Variants in THSD7B observed in about 807,000 individuals in gnomAD.
The protein encoded by THSD7B is thrombospondin type 1 domain containing 7B, also known as thrombospondin type-1 domain-containing protein 7B.
THSD7B carries 138 observed loss-of-function variants against 213.6 expected under a neutral mutation model. The observed-to-expected ratio is 0.65, with a 90% CI of 0.56 to 0.74. The LOEUF is 0.74. THSD7B is among the 30% of genes least tolerant of loss of function. The pLI, the probability that THSD7B is intolerant of heterozygous loss-of-function variation, is 0.00. For synonymous variants in THSD7B, 742 were observed against 687.0 expected (o/e 1.08, Z -1.25); for missense variants, 1,931 against 1,991.5 (o/e 0.97, Z 0.58).
intron 1 of THSD7B, among the ~76,000 whole-genome samples, chr2:136,807,934 C>T (rs1682313242): frequency 6.6e-6 from 1 of 152,218 alleles, no homozygotes; most frequent in Non-Finnish European, 1.5e-5. Context: ...CTCTTTGTTA[C>T]TGTGATTTCA....
At chr2:136,793,456 A>G (rs142563414) in intron 1 of THSD7B, among the ~76,000 whole-genome samples, 37 of 152,150 alleles carry the variant, frequency 2.4e-4, no homozygotes, top group African/African-American at 8.4e-4. Context: ...TACGTAGTTC[A>G]TAAATATTTT....
intron 14 of THSD7B, among the ~76,000 whole-genome samples, chr2:137,444,290 C>T (rs1200370351): frequency 6.6e-6 from 1 of 152,032 alleles, no homozygotes; most frequent in Non-Finnish European, 1.5e-5. Context: ...TTTTCACATG[C>T]TGATGGATTG....
At chr2:136,823,237 A>G (rs949757995) in intron 1 of THSD7B, among the ~76,000 whole-genome samples, 1 of 152,220 alleles carries the variant, frequency 6.6e-6, no homozygotes, top group Non-Finnish European at 1.5e-5. Context: ...TCTTAGTACT[A>G]ACGTCCAGAA....
intron 2 of THSD7B, among the ~76,000 whole-genome samples, chr2:136,943,102 A>C (rs946636482): frequency 6.6e-6 from 1 of 152,094 alleles, no homozygotes; most frequent in African/African-American, 2.4e-5. Flanking sequence ...GCATCTACTG[A>C]GATAATCAGG....
chr2:137,266,123 AT>A (rs1408819217), intron 10 of THSD7B, among the ~76,000 whole-genome samples: 2 of 152,262 alleles, frequency 1.3e-5, no homozygotes. Context: ...AACTTCTTCT[AT>A]TTTTTAAAAT....
intron 7 of THSD7B, among the ~76,000 whole-genome samples, chr2:137,184,504 T>C (rs1260003508): frequency 6.6e-6 from 1 of 152,122 alleles, no homozygotes; most frequent in Admixed American, 6.6e-5. Context: ...AATCCTAGGA[T>C]TCTATGTGGA....
intron 14 of THSD7B, among the ~76,000 whole-genome samples, chr2:137,416,534 A>T (rs1435252629): frequency 1.3e-5 from 2 of 152,212 alleles, no homozygotes; most frequent in African/African-American, 2.4e-5. Context: ...ATTGAAATTC[A>T]TGATTGTATC....
At chr2:137,561,894 C>A (rs1681126912) in intron 15 of THSD7B, among the ~76,000 whole-genome samples, 3 of 152,220 alleles carry the variant, frequency 2.0e-5, no homozygotes, top group Admixed American at 2.0e-4. Flanking sequence ...TCCCATCTTT[C>A]ATTTTGTCCT....
intron 15 of THSD7B, among the ~76,000 whole-genome samples, chr2:137,560,338 T>C (rs1573709138): frequency 6.6e-6 from 1 of 151,888 alleles, no homozygotes; most frequent in Admixed American, 6.6e-5. Flanking sequence ...TAGACTGGGT[T>C]AAAAAAAATG....
intron 7 of THSD7B, among the ~76,000 whole-genome samples, chr2:137,181,001 A>G (rs971952785): frequency 2.6e-5 from 4 of 152,162 alleles, no homozygotes; most frequent in African/African-American, 9.6e-5. Flanking sequence ...AGCAAGAGAG[A>G]TCACCTGTAC....
At chr2:137,122,836 G>A (rs1688567277) in intron 5 of THSD7B, among the ~76,000 whole-genome samples, 1 of 152,032 alleles carries the variant, frequency 6.6e-6, no homozygotes, top group African/African-American at 2.4e-5. Context: ...TGCCTAGAAA[G>A]TATCTCTTCT....
chr2:136,858,535 A>T (rs760946664), intron 1 of THSD7B, among the ~76,000 whole-genome samples: 19 of 152,182 alleles, frequency 1.2e-4, no homozygotes, highest in Non-Finnish European at 1.6e-4. Context: ...CACAATACAC[A>T]CTATTTAGAT....
In THSD7B at chr2:137,224,461, A is replaced by C. The variant is rs557235193; in HGVS notation, c.1724-6583A>C. Among the ~76,000 whole-genome samples the C allele has an allele frequency of 3.3e-5, 5 of 152,342 alleles. No homozygotes were observed. In the South Asian group the frequency reaches 8.3e-4, roughly 25 times the overall value. On this transcript the variant is annotated intron_variant, in intron 7 of 27. Transcript: ENST00000409968. ...TTACCCAAGACACAGTGCCTTTATT[A>C]ATAAAGATAGTTCCCACATAGGACT... is the stretch of plus-strand genomic sequence containing the variant.
At chr2:137,084,344 G>A (rs1573812573) in intron 3 of THSD7B, among the ~76,000 whole-genome samples, 1 of 152,270 alleles carries the variant, frequency 6.6e-6, no homozygotes, top group Admixed American at 6.5e-5. Flanking sequence ...AATTTTGGGA[G>A]CTAAAAAGTA....
intron 12 of THSD7B, among the ~76,000 whole-genome samples, chr2:137,300,942 T>C (rs975652116): frequency 6.6e-5 from 10 of 152,084 alleles, no homozygotes; most frequent in African/African-American, 2.4e-4. Context: ...AGAAACCCCT[T>C]TGGTGCTGGC....
intron 5 of THSD7B, among the ~76,000 whole-genome samples, chr2:137,126,554 T>C (rs893427925): frequency 6.6e-6 from 1 of 152,030 alleles, no homozygotes; most frequent in Admixed American, 6.6e-5. Flanking sequence ...GGAAATGTTG[T>C]GACTGCTTTG....
intron 16 of THSD7B, among the ~76,000 whole-genome samples, chr2:137,570,515 A>G (rs1401240615): frequency 1.3e-5 from 2 of 152,028 alleles, no homozygotes; most frequent in African/African-American, 2.4e-5. Flanking sequence ...TCACCATGTT[A>G]GCGAGGATGG....
At position 137,657,077 on chromosome 2, in the gene THSD7B, A is replaced by G; in HGVS notation, c.4292A>G (p.Tyr1431Cys). 7 of 1,614,038 alleles carry G rather than the reference A, an allele frequency of 4.3e-6. No individual in the cohort carries two copies. The highest frequency in any genetic ancestry group is 5.9e-6 in the Non-Finnish European group (7 of 1,179,896). Reference sequence around the variant, plus strand: ...TATTTACTTACAGGAGGCAAATGTTATCACTACACATGGAAAGCAAGTCTT... The same window carrying G: ...TATTTACTTACAGGAGGCAAATGTTGTCACTACACATGGAAAGCAAGTCTT... ...ETRPCTGGKC[Y>C]HYTWKASLWN... The change falls in exon 24 of 28, where the codon TAT becomes TGT. Residue 1431 changes from tyrosine (Y) to cysteine (C), a missense_variant. Tyr to Cys is a radical substitution (Grantham distance 194, BLOSUM62 -2). Transcript: ENST00000409968.
intron 4 of THSD7B, among the ~76,000 whole-genome samples, chr2:137,101,469 C>T (rs567050009): frequency 4.6e-5 from 7 of 152,304 alleles, no homozygotes; most frequent in Admixed American, 1.3e-4. Flanking sequence ...TTTTCTGCAG[C>T]TATTTAGAAG....
Sources: allele counts gnomAD v4.1 joint callset (sites outside exome capture counted in the v4.1 genomes callset), GRCh38; gene constraint gnomAD v4.1.1; transcripts MANE v1.5; gene names NCBI Gene and HGNC (gene_info 2026-07-23, HGNC 2026-07-21).